RABGEF1: variants seen among roughly 807,000 people sequenced by gnomAD.
RABGEF1 encodes RAB guanine nucleotide exchange factor 1, also known as rab5 GDP/GTP exchange factor.
RABGEF1 carries 26 observed loss-of-function variants against 57.3 expected under a neutral mutation model. The ratio of observed to expected loss-of-function variants is 0.45; its 90% confidence interval spans 0.33 to 0.63. The LOEUF is 0.63. Ranked by LOEUF, RABGEF1 falls within the 20% of genes least tolerant of loss-of-function variation. The pLI, the probability that RABGEF1 is intolerant of heterozygous loss-of-function variation, is 0.02. For synonymous variants in RABGEF1, 185 were observed against 210.7 expected (o/e 0.88, Z 1.06); for missense variants, 464 against 607.6 (o/e 0.76, Z 2.48).
upstream of RABGEF1, among the ~76,000 whole-genome samples, chr7:66,677,458 TTCTC>T (rs1789355438): frequency 6.6e-6 from 1 of 152,082 alleles, no homozygotes; most frequent in African/African-American, 2.4e-5. Context: ...GATGGTACTT[TTCTC>T]TGTTTATAGA....
At chr7:66,739,321 CG>C (rs1338051479), upstream of RABGEF1, among the ~76,000 whole-genome samples, 1 of 151,574 alleles carries the variant, frequency 6.6e-6, no homozygotes, top group Non-Finnish European at 1.5e-5. Flanking sequence ...ATCTGAGAAA[CG>C]AATCAGTTAA....
At chr7:66,799,587 TTC>T (rs2129179861) in intron 7 of RABGEF1, among the ~76,000 whole-genome samples, 173 bp downstream of exon 7, 1 of 152,338 alleles carries the variant, frequency 6.6e-6, no homozygotes, top group South Asian at 2.1e-4. Context: ...GAAGAGCAGG[TTC>T]TCTTTTACCC....
At chr7:66,721,302 C>T (rs796378755) in intron 2 of RABGEF1, among the ~76,000 whole-genome samples, 3 of 152,332 alleles carry the variant, frequency 2.0e-5, no homozygotes, top group African/African-American at 7.2e-5. Context: ...TAGTGTCTTA[C>T]TGCTACTCTA....
chr7:66,788,477 C>T (rs1811770752), intron 4 of RABGEF1, among the ~76,000 whole-genome samples: 1 of 151,718 alleles, frequency 6.6e-6, no homozygotes, highest in Admixed American at 6.6e-5. Context: ...AAACAAAACA[C>T]CCCTCATTTT....
At chr7:66,657,312 T>TG in the RABGEF1 span, among the ~76,000 whole-genome samples, 1 of 152,196 alleles carries the variant, frequency 6.6e-6, no homozygotes, top group Non-Finnish European at 1.5e-5. Flanking sequence ...CTAATCACGA[T>TG]GGAATGAAAC....
At chr7:66,695,080 G>A (rs886130602) in intron 1 of RABGEF1, among the ~76,000 whole-genome samples, 4 of 152,142 alleles carry the variant, frequency 2.6e-5, no homozygotes, top group African/African-American at 9.7e-5. Flanking sequence ...GGGAGGCCGA[G>A]GCGGGCGGAT....
At chr7:66,798,373 G>A (rs552585253) in intron 6 of RABGEF1, among the ~76,000 whole-genome samples, 2 of 152,276 alleles carry the variant, frequency 1.3e-5, no homozygotes, top group South Asian at 2.1e-4. Context: ...GAAGGGACTC[G>A]GAGTCCCAGG....
chr7:66,740,416 C>T, upstream of RABGEF1: 1 of 152,392 alleles, frequency 6.6e-6, no homozygotes. Flanking sequence ...CGCCGCGGAG[C>T]CAGCGTCGCC....
chr7:66,695,784 GGTGAAACCCT>G (rs1351066114), intron 1 of RABGEF1, among the ~76,000 whole-genome samples: 1 of 151,990 alleles, frequency 6.6e-6, no homozygotes, highest in East Asian at 1.9e-4. Context: ...TGGGCAACAT[GGTGAAACCCT>G]GTCTTTACTA....
chr7:66,742,570 T>C (rs532715553), intron 1 of RABGEF1, among the ~76,000 whole-genome samples: 28 of 152,068 alleles, frequency 1.8e-4, no homozygotes, highest in South Asian at 6.2e-4. Flanking sequence ...GAGGGGGGAA[T>C]CAAAGGAGAG....
At chr7:66,702,612 C>G (rs1039201262) in intron 1 of RABGEF1, among the ~76,000 whole-genome samples, 2 of 152,054 alleles carry the variant, frequency 1.3e-5, no homozygotes, top group Non-Finnish European at 2.9e-5. Flanking sequence ...TATGAGAACT[C>G]CGATTTCTCC....
intron 1 of RABGEF1, among the ~76,000 whole-genome samples, chr7:66,696,925 G>C (rs1362405679): frequency 6.6e-6 from 1 of 152,160 alleles, no homozygotes; most frequent in Non-Finnish European, 1.5e-5. Context: ...ATGCAGGAAG[G>C]GGAAGAACAG....
intron 1 of RABGEF1, among the ~76,000 whole-genome samples, chr7:66,753,656 A>G (rs899749014): frequency 3.4e-5 from 5 of 148,492 alleles, no homozygotes; most frequent in African/African-American, 9.9e-5. Flanking sequence ...ATGTCTTCGC[A>G]TAACAGTGTT....
intron 1 of RABGEF1, among the ~76,000 whole-genome samples, chr7:66,702,026 G>A (rs181587949): frequency 6.6e-6 from 1 of 152,098 alleles, no homozygotes; most frequent in East Asian, 1.9e-4. Flanking sequence ...AAAAGGGCAG[G>A]GCATCCAATA....
At chr7:66,780,256 A>G (rs748069838) in intron 3 of RABGEF1, among the ~76,000 whole-genome samples, 25 of 140,460 alleles carry the variant, frequency 1.8e-4, no homozygotes, top group Non-Finnish European at 1.4e-4. Context: ...TCAGTTGTTA[A>G]TAGTCAACAG....
chr7:66,701,498 C>CT (rs1261259435), intron 1 of RABGEF1, among the ~76,000 whole-genome samples: 29,899 of 128,712 alleles, frequency 0.23, 3,591 homozygotes, highest in Middle Eastern at 0.29. Flanking sequence ...GACTCTGACT[C>CT]TTTTTTTTTT....
At chr7:66,712,465 C>T (rs62466147) in intron 2 of RABGEF1, among the ~76,000 whole-genome samples, 6,005 of 152,210 alleles carry the variant, frequency 0.039, 165 homozygotes, top group East Asian at 0.085. Context: ...TTTCTTTCTG[C>T]AGATATCTTT....
chr7:66,730,311 G>A (rs536654380), intron 2 of RABGEF1, among the ~76,000 whole-genome samples: 2 of 152,262 alleles, frequency 1.3e-5, no homozygotes, highest in African/African-American at 2.4e-5. Flanking sequence ...TCTGCTGAGC[G>A]CCAGCTTCCT....
At chr7:66,696,985 GC>G (rs1288556120) in intron 1 of RABGEF1, among the ~76,000 whole-genome samples, 1 of 152,196 alleles carries the variant, frequency 6.6e-6, no homozygotes, top group Non-Finnish European at 1.5e-5. Flanking sequence ...CCATGGTGCA[GC>G]CAATGTGCGT....
Sources: allele counts gnomAD v4.1 joint callset (sites outside exome capture counted in the v4.1 genomes callset), GRCh38; gene constraint gnomAD v4.1.1; transcripts MANE v1.5; gene names NCBI Gene and HGNC (gene_info 2026-07-23, HGNC 2026-07-21).